The following SEMA5A variants were observed in gnomAD, a reference collection of about 807,000 sequenced individuals.
SEMA5A encodes the protein semaphorin-5A.
A neutral mutation model predicts 135.5 loss-of-function variants in SEMA5A; 55 were observed. The ratio of observed to expected loss-of-function variants is 0.41; its 90% CI spans 0.33 to 0.51. The LOEUF (loss-of-function observed/expected upper bound fraction) is 0.51, where lower values mean the gene tolerates loss of function less well. Among genes scored for constraint, SEMA5A ranks in the 20% least tolerant of loss-of-function variants. The pLI is 0.37. For synonymous variants in SEMA5A, 580 were observed against 546.5 expected (o/e 1.06, Z -0.85); for missense variants, 1,290 against 1,419.9 (o/e 0.91, Z 1.47).
At chr5:9,297,090 G>A (rs1177830587) in intron 5 of SEMA5A, among the ~76,000 whole-genome samples, 2 of 151,866 alleles carry the variant, frequency 1.3e-5, no homozygotes, top group Non-Finnish European at 2.9e-5. Context: ...AACAGTATTG[G>A]ATGGTGGTCA....
chr5:9,113,424 A>G (rs1298877750), intron 15 of SEMA5A, among the ~76,000 whole-genome samples: 2 of 152,212 alleles, frequency 1.3e-5, no homozygotes, highest in East Asian at 1.9e-4. Flanking sequence ...TGGGATAAAG[A>G]ACTAAAACTG....
rs544076287 is a variant in SEMA5A, at chr5:9,091,645, G to A, written c.2073+16495C>T. Among the ~76,000 whole-genome samples the A allele has an allele frequency of 2.0e-5, 3 of 152,304 alleles. No homozygotes were observed. In the East Asian group the frequency reaches 5.8e-4, roughly 29 times the overall value. On this transcript the variant is annotated intron_variant, in intron 16 of 22. Transcript: ENST00000382496. Reference sequence around the variant, plus strand: ...CCCATTTGTTTTCATGAGATTTGCAGTTCAAAACACAACAACCCTACTGAA... The same window carrying A: ...CCCATTTGTTTTCATGAGATTTGCAATTCAAAACACAACAACCCTACTGAA...
At chr5:9,363,325 C>T (rs1375749331) in intron 3 of SEMA5A, 1 of 152,156 alleles carries the variant, frequency 6.6e-6, no homozygotes, top group African/African-American at 2.4e-5. Context: ...TAATGTTCTA[C>T]AGAAGAAAAG....
chr5:9,088,334 AAAGT>A (rs138922802), intron 16 of SEMA5A, among the ~76,000 whole-genome samples: 1,943 of 150,536 alleles, frequency 0.013, 36 homozygotes, highest in African/African-American at 0.044. Context: ...GAAAAGAAAG[AAAGT>A]ATTTTTTTAA....
chr5:9,397,691 TAAG>T lies in SEMA5A; in HGVS notation c.-77-17671_-77-17669del, dbSNP rs983759487. Among the ~76,000 whole-genome samples, 11 of 152,228 alleles carry T rather than the reference TAAG, an allele frequency of 7.2e-5. 1 individual carries two copies. The highest frequency in any genetic ancestry group is 2.7e-4 in the African/African-American group (11 of 41,460). ...AATAAAAAGTCATGTATCCTTTTGC[TAAG>T]AAGATGCTGCAGACAAGAATCAAGA... On this transcript the variant is annotated intron_variant, in intron 2 of 22. Transcript: ENST00000382496.
In SEMA5A at chr5:9,379,829, A is replaced by G. The variant is rs1452142714; in HGVS notation, c.118T>C (p.Tyr40His). 1.2e-6 allele frequency: 2 copies of G among 1,613,716 alleles called. No homozygotes were observed. Among genetic ancestry groups the G allele is most frequent in the African/African-American group, 2.7e-5 (2 of 74,862 alleles). ...GTGCGTGCTGGTTCCTTACCTTTAT[A>G]GGAGATGACTGGATGCTCGGTTCTC... is the stretch of plus-strand genomic sequence containing the variant. ...CQRTEHPVIS[Y>H]KEIGPWLREF... The change falls in exon 3 of 23, where the codon TAT (tyrosine) becomes CAT (histidine). Residue 40 changes from tyrosine to histidine, a missense_variant. Coordinates refer to ENST00000382496, the MANE Select transcript of SEMA5A (RefSeq NM_003966.3).
chr5:9,277,009 A>T (rs1473787211), intron 5 of SEMA5A, among the ~76,000 whole-genome samples: 4 of 152,230 alleles, frequency 2.6e-5, no homozygotes, highest in Non-Finnish European at 4.4e-5. Context: ...AGAAACTATC[A>T]TCAGAGTGAA....
intron 16 of SEMA5A, among the ~76,000 whole-genome samples, chr5:9,101,117 G>T (rs1201498250): frequency 1.3e-5 from 2 of 152,190 alleles, no homozygotes; most frequent in African/African-American, 4.8e-5. Context: ...TCGGTTTTTA[G>T]TTAGAACCAT....
chr5:9,050,173 G>A (rs1331324833), intron 21 of SEMA5A, among the ~76,000 whole-genome samples: 1 of 152,114 alleles, frequency 6.6e-6, no homozygotes, highest in Non-Finnish European at 1.5e-5. Context: ...TTCCCATCAA[G>A]TTCCCAGGCC....
intron 17 of SEMA5A, among the ~76,000 whole-genome samples, chr5:9,063,773 C>T (rs1322612829): frequency 6.6e-6 from 1 of 152,192 alleles, no homozygotes; most frequent in Non-Finnish European, 1.5e-5. Context: ...GCAGCAGCAG[C>T]AGCAGGTGGG....
chr5:9,522,586 T>A (rs1736897926), intron 1 of SEMA5A, among the ~76,000 whole-genome samples: 1 of 151,934 alleles, frequency 6.6e-6, no homozygotes, highest in South Asian at 2.1e-4. Context: ...TCAAAAAAAA[T>A]AAATAAATAA....
chr5:9,058,937 G>T (rs1349241647), intron 18 of SEMA5A, among the ~76,000 whole-genome samples: 1 of 152,172 alleles, frequency 6.6e-6, no homozygotes, highest in African/African-American at 2.4e-5. Context: ...AGGACTCCAA[G>T]AATGCAAAGG....
In SEMA5A at chr5:9,417,376, A is replaced by C. The variant is rs527986697; in HGVS notation, c.-78+20380T>G. On this transcript the variant is annotated intron_variant, in intron 2 of 22. Transcript: ENST00000382496. ...CGTGTGCACATTATCCACTTTACTA[A>C]CTTTTCTAAAATTTCTCACATAAAT... Among the ~76,000 whole-genome samples the C allele has an allele frequency of 2.0e-5, 3 of 152,306 alleles. No individual in the cohort carries two copies. In the South Asian group the frequency reaches 6.2e-4, roughly 32 times the overall value.
intron 12 of SEMA5A, among the ~76,000 whole-genome samples, chr5:9,139,902 A>AT (rs1321295209): frequency 1.3e-5 from 2 of 152,198 alleles, no homozygotes; most frequent in Non-Finnish European, 2.9e-5. Context: ...CTAAGGTATC[A>AT]TTTTTTGGCT....
chr5:9,173,966 C>T (rs1744070038), intron 11 of SEMA5A, among the ~76,000 whole-genome samples: 4 of 152,170 alleles, frequency 2.6e-5, no homozygotes, highest in Non-Finnish European at 5.9e-5. Context: ...AAATACCATA[C>T]TTAAGAAACG....
chr5:9,444,502 G>A (rs542130527), intron 1 of SEMA5A, among the ~76,000 whole-genome samples: 23 of 152,242 alleles, frequency 1.5e-4, no homozygotes, highest in Non-Finnish European at 2.8e-4. Context: ...CATCCAGGTC[G>A]CTGTGAATGC....
chr5:9,197,267 G>A lies in SEMA5A; in HGVS notation c.969C>T (p.Asn323=), dbSNP rs766384338. 8.1e-6 allele frequency: 13 copies of A among 1,614,016 alleles called. No individual in the cohort carries two copies. The highest frequency in any genetic ancestry group is 1.1e-5 in the South Asian group (1 of 91,092). The change falls in exon 10 of 23, where the codon AAC becomes AAT. Residue 323 remains asparagine (N), a synonymous_variant. Transcript: ENST00000382496. ...SIAASAVCVF[N]LSAIAQAFSG... The stretch of plus-strand genomic sequence containing the variant: ...AGAAGGCCTGCGCGATGGCGCTCAG[G>A]TTGAAGACGCACACAGCTGAGGCCG...
chr5:9,529,098 T>A (rs943632487), intron 1 of SEMA5A, among the ~76,000 whole-genome samples: 7 of 152,230 alleles, frequency 4.6e-5, no homozygotes, highest in Admixed American at 3.3e-4. Flanking sequence ...TGGTTCTGGT[T>A]ATGACCACAA....
At chr5:9,356,864 C>T (rs1015015511) in intron 3 of SEMA5A, among the ~76,000 whole-genome samples, 3 of 152,260 alleles carry the variant, frequency 2.0e-5, no homozygotes, top group East Asian at 3.9e-4. Flanking sequence ...AGGATTCCAC[C>T]GTGTTGCTAG....
Sources: allele counts gnomAD v4.1 joint callset (sites outside exome capture counted in the v4.1 genomes callset), GRCh38; gene constraint gnomAD v4.1.1; transcripts MANE v1.5; gene names NCBI Gene and HGNC (gene_info 2026-07-23, HGNC 2026-07-21).